HIVEP3: variants seen among roughly 807,000 people sequenced by gnomAD.
HIVEP3 encodes the protein HIVEP zinc finger 3.
A neutral mutation model predicts 152.8 loss-of-function variants in HIVEP3; 49 were observed. The observed-to-expected ratio is 0.32, with a 90% CI of 0.26 to 0.41. The LOEUF is 0.41. Ranked by LOEUF, HIVEP3 falls within the 10% of genes least tolerant of loss-of-function variation. The pLI, the probability that HIVEP3 is intolerant of heterozygous loss-of-function variation, is 1.00. For synonymous variants in HIVEP3, 1,269 were observed against 1,289.0 expected, an observed-to-expected ratio of 0.98 and a Z score of 0.33; for missense variants, 2,790 against 3,103.3, an observed-to-expected ratio of 0.90 and a Z score of 2.40.
At chr1:41,606,492 T>C (rs2149128883) in intron 3 of HIVEP3, among the ~76,000 whole-genome samples, 1 of 152,088 alleles carries the variant, frequency 6.6e-6, no homozygotes, top group Admixed American at 6.5e-5. Flanking sequence ...GAAGATATCA[T>C]TGCCTGCGAA....
intron 1 of HIVEP3, among the ~76,000 whole-genome samples, chr1:41,849,254 A>C (rs1257460956): frequency 2.0e-5 from 3 of 152,184 alleles, no homozygotes; most frequent in Non-Finnish European, 4.4e-5. Flanking sequence ...ATTCTATGGC[A>C]CCTGAGACCT....
chr1:42,030,089 G>A (rs1306486342), intron 1 of HIVEP3, among the ~76,000 whole-genome samples: 1 of 152,122 alleles, frequency 6.6e-6, no homozygotes, highest in Non-Finnish European at 1.5e-5. Flanking sequence ...AAGTCACCCT[G>A]TGAAGAAGCC....
At chr1:41,631,610 T>C (rs890387575) in intron 2 of HIVEP3, among the ~76,000 whole-genome samples, 2 of 151,854 alleles carry the variant, frequency 1.3e-5, no homozygotes, top group Non-Finnish European at 2.9e-5. Flanking sequence ...GCTGTCCCCT[T>C]CCCAATGTAC....
In HIVEP3 at chr1:41,709,180, T is replaced by C. The variant is rs908784136; in HGVS notation, c.-800-8185A>G. Among the ~76,000 whole-genome samples the C allele has an allele frequency of 3.3e-5, 5 of 152,340 alleles. No homozygotes were observed. In the South Asian group the frequency reaches 1.0e-3, roughly 32 times the overall value. ...GCTGGCCAACGGGGAAGCTGGAACA[T>C]GCCTGGATTCTGGATTTCTGGGCTG... On this transcript the variant is annotated intron_variant, in intron 1 of 8. Coordinates refer to ENST00000372583, the MANE Select transcript of HIVEP3 (RefSeq NM_024503.5).
intron 3 of HIVEP3, among the ~76,000 whole-genome samples, chr1:41,590,963 C>T (rs1374259468): frequency 6.6e-6 from 1 of 152,160 alleles, no homozygotes; most frequent in African/African-American, 2.4e-5. Flanking sequence ...GCCTTAGTCT[C>T]CCCATCTGTA....
chr1:41,739,189 G>A (rs570638166), intron 1 of HIVEP3, among the ~76,000 whole-genome samples: 2 of 152,378 alleles, frequency 1.3e-5, no homozygotes, highest in South Asian at 4.1e-4. Flanking sequence ...GACGGCTGGG[G>A]GTTTCCGGGC....
At chr1:41,764,883 C>T (rs1647914239) in intron 1 of HIVEP3, among the ~76,000 whole-genome samples, 1 of 152,190 alleles carries the variant, frequency 6.6e-6, no homozygotes, top group African/African-American at 2.4e-5. Flanking sequence ...GCAGCCAGAG[C>T]CATCTCCTGA....
In HIVEP3 at chr1:41,918,498, G is replaced by A. The variant is rs1459005286; in HGVS notation, c.-886C>T. 6.6e-6 allele frequency: 1 copy of A among 152,192 alleles called. No individual in the cohort carries two copies. The highest frequency in any genetic ancestry group is 2.4e-5 in the African/African-American group (1 of 41,432). 9.4% of individuals were successfully genotyped at this position (152,192 alleles called of 1,614,324 possible). A position where few individuals can be genotyped will look rare whatever the true frequency, so the allele number is the denominator to read the frequency against. On this transcript the variant is annotated 5_prime_UTR_variant, in exon 1 of 9. Coordinates refer to ENST00000372583, the MANE Select transcript of HIVEP3 (RefSeq NM_024503.5). This position sits in a 1 kb window ranked among gnomAD's most constrained non-coding sequence, Gnocchi z 4.3. ...TTCATGAATTATTCCGGCCAGGCAG[G>A]ATTTTGTGCATTTTTTTCATGAACA...
intron 2 of HIVEP3, among the ~76,000 whole-genome samples, chr1:41,665,299 G>A (rs1645777989): frequency 6.6e-6 from 1 of 152,198 alleles, no homozygotes; most frequent in African/African-American, 2.4e-5. Context: ...TTGAGGTGCA[G>A]GACACCTTTC....
chr1:41,705,102 C>T (rs1227639088), intron 1 of HIVEP3, among the ~76,000 whole-genome samples: 2 of 152,222 alleles, frequency 1.3e-5, no homozygotes, highest in Non-Finnish European at 2.9e-5. Flanking sequence ...CAATCCTGTG[C>T]AGTTGACCTT....
At chr1:41,558,947 C>T (rs551054022) in intron 5 of HIVEP3, among the ~76,000 whole-genome samples, 1 of 152,166 alleles carries the variant, frequency 6.6e-6, no homozygotes, top group African/African-American at 2.4e-5. Context: ...TAAGCCTGTC[C>T]CACTCCATGC....
At chr1:41,727,024 G>A (rs1018468577) in intron 1 of HIVEP3, among the ~76,000 whole-genome samples, 2 of 152,184 alleles carry the variant, frequency 1.3e-5, no homozygotes, top group African/African-American at 4.8e-5. Flanking sequence ...AGCGCGGGAG[G>A]CACAGATGGC....
Position 41,836,140 on chromosome 1 carries a change from T to C in HIVEP3, c.-801+82273A>G, listed in dbSNP as rs141719092. Among the ~76,000 whole-genome samples, 451 of 152,306 alleles carry C rather than the reference T, an allele frequency of 3.0e-3. 1 individual carries two copies. Among genetic ancestry groups the C allele is most frequent in the African/African-American group, 0.01 (417 of 41,568 alleles). On this transcript the variant is annotated intron_variant, in intron 1 of 8. Coordinates refer to ENST00000372583, the MANE Select transcript of HIVEP3 (RefSeq NM_024503.5). ...CCTCTGGCCATGACTAGGCCAAGAATATGTGCACATGCCAAAGACAATGAC... is the reference window on the plus strand; with the variant it reads ...CCTCTGGCCATGACTAGGCCAAGAACATGTGCACATGCCAAAGACAATGAC...
chr1:41,649,627 AAT>A (rs1024944567), intron 2 of HIVEP3, among the ~76,000 whole-genome samples: 5 of 152,160 alleles, frequency 3.3e-5, no homozygotes, highest in Non-Finnish European at 7.3e-5. Flanking sequence ...ATGATGCAAT[AAT>A]AGCTTCCTTC....
chr1:41,516,794 C>G (rs1459900061), intron 7 of HIVEP3, among the ~76,000 whole-genome samples: 1 of 152,244 alleles, frequency 6.6e-6, no homozygotes, highest in Non-Finnish European at 1.5e-5. Context: ...CTCCCTGACC[C>G]CACGTGGCTC....
chr1:41,864,880 C>T (rs968772199), intron 1 of HIVEP3, among the ~76,000 whole-genome samples: 1 of 152,242 alleles, frequency 6.6e-6, no homozygotes, highest in African/African-American at 2.4e-5. Context: ...CACCCTTGAC[C>T]CAGCCCATTC....
intron 1 of HIVEP3, among the ~76,000 whole-genome samples, chr1:41,863,089 G>A (rs879851964): frequency 6.6e-6 from 1 of 152,234 alleles, no homozygotes; most frequent in Non-Finnish European, 1.5e-5. Context: ...GAATTTCACA[G>A]GCGTTCCTCC....
At chr1:41,777,220 C>T (rs1648759235) in intron 1 of HIVEP3, among the ~76,000 whole-genome samples, 1 of 152,236 alleles carries the variant, frequency 6.6e-6, no homozygotes, top group South Asian at 2.1e-4. Context: ...GGCTGCAGCC[C>T]AGAGGGAAAG....
intron 1 of HIVEP3, among the ~76,000 whole-genome samples, chr1:41,851,196 C>T (rs941787943): frequency 6.6e-6 from 1 of 151,322 alleles, no homozygotes; most frequent in African/African-American, 2.4e-5. Flanking sequence ...GCACCTAGAA[C>T]AGTGCTTGGG....
Sources: gnomAD v4.1 joint callset for allele counts (sites outside exome capture counted in the v4.1 genomes callset) on GRCh38, gnomAD v4.1.1 for gene constraint, Gnocchi (gnomAD v3.1) non-coding constraint, MANE v1.5 for transcripts, NCBI Gene and HGNC (gene_info 2026-07-23, HGNC 2026-07-21) for gene names.